Variants in NPR3 observed in about 807,000 individuals in gnomAD.
NPR3 encodes the protein natriuretic peptide receptor 3.
A neutral mutation model predicts 54.5 loss-of-function variants in NPR3; 34 were observed. That is an observed-to-expected ratio of 0.62 (90% CI 0.47 to 0.83). The LOEUF (loss-of-function observed/expected upper bound fraction) is 0.83, where lower values mean the gene tolerates loss of function less well. NPR3 is among the 40% of genes least tolerant of loss of function. The probability of loss-of-function intolerance (pLI) is 0.00; values close to 1 mark genes in which losing one functional copy is unlikely to be tolerated. For synonymous variants in NPR3, 289 were observed against 297.1 expected, an observed-to-expected ratio of 0.97 and a Z score of 0.28; for missense variants, 674 against 720.8, an observed-to-expected ratio of 0.94 and a Z score of 0.74.
chr5:32,784,929 T>A, intron 7 of NPR3, 46 bp downstream of exon 7: 9 of 1,371,088 alleles, frequency 6.6e-6, no homozygotes, highest in Non-Finnish European at 8.3e-6. Context: ...TCTGCTGTCT[T>A]TGTCATTTGA....
intron 6 of NPR3, among the ~76,000 whole-genome samples, chr5:32,784,144 T>G (rs993303500): frequency 2.0e-5 from 3 of 152,154 alleles, no homozygotes; most frequent in Non-Finnish European, 4.4e-5. Context: ...TCTGTGAAAA[T>G]AAGAAGCCCT....
rs534530801 is a variant in NPR3 at position 32,788,059 on chromosome 5, G to C, written c.*1714G>C. 6.6e-5 allele frequency: 10 copies of C among 152,366 alleles called. No individual in the cohort carries two copies. In the East Asian group the frequency reaches 1.5e-3, roughly 24 times the overall value. 9.4% of individuals were successfully genotyped at this position (152,366 alleles called of 1,614,324 possible). ...GTCCCAGATGCTGGCCCATGTGTGA[G>C]TGCTTCCCTGGAGAAGTCCGCTTCT... On this transcript the variant is annotated 3_prime_UTR_variant, in exon 8 of 8. Coordinates refer to ENST00000265074, the MANE Select transcript of NPR3 (RefSeq NM_001204375.2).
intron 3 of NPR3, among the ~76,000 whole-genome samples, chr5:32,756,108 T>C (rs1740826178): frequency 6.6e-6 from 1 of 152,246 alleles, no homozygotes; most frequent in African/African-American, 2.4e-5. Flanking sequence ...AATCTTTGGG[T>C]ATATACCCAG....
At position 32,780,828 on chromosome 5, in the gene NPR3, AG is replaced by A. The variant is rs544092443; in HGVS notation, c.1290+13del. 1.1e-4 allele frequency: 131 copies of A among 1,245,298 alleles called. No homozygotes were observed. In the African/African-American group the frequency reaches 1.8e-3, roughly 17 times the overall value. The allele number at this position is 1,245,298 out of a possible 1,614,324, so 77.1% of individuals were successfully genotyped here. A position where few individuals can be genotyped will look rare whatever the true frequency, so the allele number is the denominator to read the frequency against. ...CGGGCACCCAGGAGGTGAGCACGTG[AG>A]ACCTCTGCACCAGTTGCTCCTTCTG... On this transcript the variant is annotated intron_variant, in intron 5 of 7. Transcript: ENST00000265074.
Position 32,787,796 on chromosome 5 carries a change from A to G in NPR3, c.*1451A>G, listed in dbSNP as rs918233740. On this transcript the variant is annotated 3_prime_UTR_variant, in exon 8 of 8. Coordinates refer to ENST00000265074, the MANE Select transcript of NPR3 (RefSeq NM_001204375.2). ...TTCACTTATACTTTATGGAGAAGATAGACAGTGAGGGAGGAATGGGAAGCT... is the reference window on the plus strand; with the variant it reads ...TTCACTTATACTTTATGGAGAAGATGGACAGTGAGGGAGGAATGGGAAGCT... The G allele has an allele frequency of 2.6e-5, 4 of 152,236 alleles. No homozygotes were observed. The highest frequency in any genetic ancestry group is 5.9e-5 in the Non-Finnish European group (4 of 68,050). The allele number at this position is 152,236 out of a possible 1,614,324, so 9.4% of individuals were successfully genotyped here.
chr5:32,694,866 C>T (rs1290650191), intron 1 of NPR3, among the ~76,000 whole-genome samples: 2 of 152,118 alleles, frequency 1.3e-5, no homozygotes, highest in African/African-American at 4.8e-5. Context: ...CCTGTCCTTC[C>T]CAGTCTCTGG....
chr5:32,692,123 G>A (rs1479094524), intron 1 of NPR3, among the ~76,000 whole-genome samples: 1 of 152,204 alleles, frequency 6.6e-6, no homozygotes, highest in Non-Finnish European at 1.5e-5. Context: ...GGAAATGAGA[G>A]TGTGCCAAGA....
chr5:32,709,681 T>C (rs1389209337), upstream of NPR3: 3 of 152,180 alleles, frequency 2.0e-5, no homozygotes, highest in Non-Finnish European at 4.4e-5. Flanking sequence ...ACCCAGAAGC[T>C]GAAACATTAC....
chr5:32,733,162 TCA>T (rs1299495339), intron 2 of NPR3, among the ~76,000 whole-genome samples: 1 of 152,054 alleles, frequency 6.6e-6, no homozygotes, highest in Non-Finnish European at 1.5e-5. Flanking sequence ...CTAATTTTAG[TCA>T]CTACTTACTT....
intron 3 of NPR3, among the ~76,000 whole-genome samples, chr5:32,756,310 T>A (rs1740836780): frequency 6.6e-6 from 1 of 152,236 alleles, no homozygotes; most frequent in African/African-American, 2.4e-5. Context: ...TGGTGTGAGA[T>A]GGTATCTCAT....
rs200820724 is a variant in NPR3, at chr5:32,724,836, C to A, written c.892+16C>A. On this transcript the variant is annotated intron_variant, in intron 2 of 7. Coordinates refer to ENST00000265074, the MANE Select transcript of NPR3 (RefSeq NM_001204375.2). ...TCTTCCTATGGTAACTCTGCTTCCA[C>A]TTTCCCCTCCTCTGCTAGGGTTCCA... The A allele has an allele frequency of 2.2e-3, 3,518 of 1,613,630 alleles. 7 individuals are homozygous for A. Among genetic ancestry groups the A allele is most frequent in the Non-Finnish European group, 2.7e-3 (3,220 of 1,179,800 alleles).
At chr5:32,763,677 C>T (rs1741294252) in intron 3 of NPR3, among the ~76,000 whole-genome samples, 1 of 152,094 alleles carries the variant, frequency 6.6e-6, no homozygotes, top group African/African-American at 2.4e-5. Flanking sequence ...AAACTCATGT[C>T]TGCTAATTCC....
rs568944478 is a variant in NPR3, at chr5:32,764,788, C to CAAAAAAAAAAAAAA, written c.1060-9905_1060-9892dup. On this transcript the variant is annotated intron_variant, in intron 3 of 7. Coordinates refer to ENST00000265074, the MANE Select transcript of NPR3 (RefSeq NM_001204375.2). ...GGGTGACAAGAGTGAGGGTCCATCTCAAAAAAAAAAAAAAAAAAAAAAAAA... is the reference window on the plus strand; with the variant it reads ...GGGTGACAAGAGTGAGGGTCCATCTCAAAAAAAAAAAAAAAAAAAAAAAAAAAAAAAAAAAAAAA... 2.9e-3 allele frequency among the ~76,000 whole-genome samples: 106 copies of CAAAAAAAAAAAAAA among 36,490 alleles called. 8 individuals are homozygous for CAAAAAAAAAAAAAA. Among genetic ancestry groups the CAAAAAAAAAAAAAA allele is most frequent in the African/African-American group, 7.5e-3 (77 of 10,296 alleles). The allele number at this position is 36,490 out of a possible 152,430, so 23.9% of individuals were successfully genotyped here.
At chr5:32,705,488 A>C (rs1386132127), upstream of NPR3, among the ~76,000 whole-genome samples, 1 of 152,208 alleles carries the variant, frequency 6.6e-6, no homozygotes, top group Non-Finnish European at 1.5e-5. Context: ...GACCTCAGGA[A>C]ACTTACAATC....
rs544801784 is a variant in NPR3 at position 32,732,848 on chromosome 5, T to C, written c.893-6016T>C. Among the ~76,000 whole-genome samples, 229 of 152,282 alleles carry C rather than the reference T, an allele frequency of 1.5e-3. 3 individuals carry two copies. In the Middle Eastern group the frequency reaches 0.027, roughly 18 times the overall value. On this transcript the variant is annotated intron_variant, in intron 2 of 7. Coordinates refer to ENST00000265074, the MANE Select transcript of NPR3 (RefSeq NM_001204375.2). ...TATTTATTACTATTTTATTTTATTT[T>C]ATTTCATTTTTTTGAGACAGAGTTT...
At chr5:32,768,047 G>T (rs975304825) in intron 3 of NPR3, among the ~76,000 whole-genome samples, 4 of 152,188 alleles carry the variant, frequency 2.6e-5, no homozygotes, top group Non-Finnish European at 5.9e-5. Context: ...TGAGTGGGAT[G>T]CCTGCTCCTG....
chr5:32,719,350 A>G (rs1738725644), intron 1 of NPR3, among the ~76,000 whole-genome samples: 1 of 152,180 alleles, frequency 6.6e-6, no homozygotes, highest in Non-Finnish European at 1.5e-5. Context: ...CTTTCTGAGA[A>G]AGGATGAATA....
intron 3 of NPR3, among the ~76,000 whole-genome samples, chr5:32,771,504 T>C (rs1741760141): frequency 6.6e-6 from 1 of 152,034 alleles, no homozygotes; most frequent in South Asian, 2.1e-4. Flanking sequence ...TCCTGGATTG[T>C]AGCGGGGGCA....
intron 3 of NPR3, among the ~76,000 whole-genome samples, chr5:32,751,740 A>G (rs919160919): frequency 2.0e-5 from 3 of 152,276 alleles, no homozygotes; most frequent in African/African-American, 7.2e-5. Context: ...ATGAAACAAG[A>G]GGTTGAGGAG....
Sources: gnomAD v4.1 joint callset for allele counts (sites outside exome capture counted in the v4.1 genomes callset) on GRCh38, gnomAD v4.1.1 for gene constraint, MANE v1.5 for transcripts, NCBI Gene and HGNC (gene_info 2026-07-23, HGNC 2026-07-21) for gene names.